The following PCDH15 variants were observed in gnomAD, a reference collection of about 807,000 sequenced individuals.
The protein encoded by PCDH15 is protocadherin related 15, also known as protocadherin-15.
A neutral mutation model predicts 178.5 loss-of-function variants in PCDH15; 129 were observed. The observed-to-expected ratio is 0.72, with a 90% CI of 0.63 to 0.84. The LOEUF (loss-of-function observed/expected upper bound fraction) is 0.84, where lower values mean the gene tolerates loss of function less well. PCDH15 is among the 40% of genes least tolerant of loss of function. The pLI is 0.00. For missense variants in PCDH15, 2,230 were observed against 2,099.9 expected, an observed-to-expected ratio of 1.06 and a Z score of -1.21; for synonymous variants, 800 against 732.0, an observed-to-expected ratio of 1.09 and a Z score of -1.50.
At chr10:55,419,397 C>G (rs1012932834) in intron 2 of PCDH15, among the ~76,000 whole-genome samples, 4 of 151,694 alleles carry the variant, frequency 2.6e-5, no homozygotes, top group Non-Finnish European at 4.4e-5. Context: ...CCCATGAAAC[C>G]ATCTATTAAA....
At chr10:54,217,493 T>C (rs1468513010) in intron 9 of PCDH15, among the ~76,000 whole-genome samples, 2 of 152,316 alleles carry the variant, frequency 1.3e-5, no homozygotes, top group Non-Finnish European at 2.9e-5. Flanking sequence ...ATTCTGATTC[T>C]ATTCTTTTCA....
intron 2 of PCDH15, among the ~76,000 whole-genome samples, chr10:54,632,602 T>G (rs1037890463): frequency 6.6e-6 from 1 of 152,108 alleles, no homozygotes; most frequent in Non-Finnish European, 1.5e-5. Flanking sequence ...AAATTACCCC[T>G]GCTAAAATTT....
At chr10:55,025,310 G>A (rs1840448658) in intron 2 of PCDH15, among the ~76,000 whole-genome samples, 1 of 152,084 alleles carries the variant, frequency 6.6e-6, no homozygotes, top group South Asian at 2.1e-4. Context: ...ATTTCAGATG[G>A]TTTTATGTTC....
intron 18 of PCDH15, among the ~76,000 whole-genome samples, chr10:54,029,105 T>C (rs1407107375): frequency 1.3e-5 from 2 of 152,252 alleles, no homozygotes; most frequent in East Asian, 3.9e-4. Flanking sequence ...AATAAGGTGA[T>C]GTAAGTTAAG....
chr10:54,306,720 G>T (rs2060493466), intron 8 of PCDH15, among the ~76,000 whole-genome samples: 1 of 151,436 alleles, frequency 6.6e-6, no homozygotes, highest in African/African-American at 2.4e-5. Context: ...ATTCCCTCTG[G>T]TCAAAGGGCA....
chr10:54,884,986 G>C (rs1954329458), intron 3 of PCDH15, among the ~76,000 whole-genome samples: 1 of 151,900 alleles, frequency 6.6e-6, no homozygotes. Context: ...TGCCCTAATA[G>C]TTTTAATAAT....
chr10:54,845,882 C>G (rs948257066), intron 3 of PCDH15, among the ~76,000 whole-genome samples: 3 of 152,018 alleles, frequency 2.0e-5, no homozygotes, highest in Non-Finnish European at 2.9e-5. Context: ...ACTAGATTGT[C>G]ACCACATCCA....
At chr10:54,501,418 G>A (rs1169541824) in intron 3 of PCDH15, among the ~76,000 whole-genome samples, 1 of 151,860 alleles carries the variant, frequency 6.6e-6, no homozygotes, top group Non-Finnish European at 1.5e-5. Context: ...GCAAAACAAG[G>A]GTGTTTTGTT....
chr10:54,434,778 T>G (rs2075271858), intron 3 of PCDH15, among the ~76,000 whole-genome samples: 1 of 152,204 alleles, frequency 6.6e-6, no homozygotes, highest in East Asian at 1.9e-4. Flanking sequence ...GATGAATTAG[T>G]AAAAAGAATC....
At chr10:55,572,213 G>A (rs1842418880) in intron 2 of PCDH15, among the ~76,000 whole-genome samples, 1 of 151,596 alleles carries the variant, frequency 6.6e-6, no homozygotes, top group Non-Finnish European at 1.5e-5. Flanking sequence ...TTGGATACAG[G>A]TACCCCAGAA....
intron 2 of PCDH15, among the ~76,000 whole-genome samples, chr10:54,949,848 C>T (rs1053716013): frequency 1.3e-5 from 2 of 152,058 alleles, no homozygotes; most frequent in South Asian, 4.1e-4. Flanking sequence ...CCCCTTTATT[C>T]CAGTTCCCAA....
chr10:54,693,451 AT>A (rs2135830370), intron 1 of PCDH15, among the ~76,000 whole-genome samples: 1 of 152,190 alleles, frequency 6.6e-6, no homozygotes, highest in East Asian at 1.9e-4. Context: ...AATTGACAAC[AT>A]TTTCTGAGAT....
intron 2 of PCDH15, among the ~76,000 whole-genome samples, chr10:54,546,638 T>A (rs796921255): frequency 2.6e-5 from 4 of 152,310 alleles, no homozygotes; most frequent in African/African-American, 7.2e-5. Flanking sequence ...CTAAATAGAA[T>A]AATAACCTTA....
At chr10:55,373,046 C>G (rs1845544467) in intron 2 of PCDH15, among the ~76,000 whole-genome samples, 1 of 151,574 alleles carries the variant, frequency 6.6e-6, no homozygotes, top group African/African-American at 2.4e-5. Context: ...AAATGACTGA[C>G]CTGAAAGAAT....
chr10:55,241,011 T>A (rs1841527446), intron 1 of PCDH15, among the ~76,000 whole-genome samples: 1 of 152,150 alleles, frequency 6.6e-6, no homozygotes, highest in South Asian at 2.1e-4. Context: ...GGTCAGGAGA[T>A]CGAGACCATC....
intron 2 of PCDH15, among the ~76,000 whole-genome samples, chr10:54,927,299 G>A (rs979961215): frequency 6.6e-6 from 1 of 152,044 alleles, no homozygotes; most frequent in African/African-American, 2.4e-5. Flanking sequence ...GTGCAAGATA[G>A]TGGTTGTTAT....
chr10:55,052,841 T>G (rs1163700281), intron 2 of PCDH15, among the ~76,000 whole-genome samples: 1 of 152,176 alleles, frequency 6.6e-6, no homozygotes, highest in East Asian at 1.9e-4. Flanking sequence ...TTAATAAATC[T>G]GTCGTCAAAA....
intron 3 of PCDH15, among the ~76,000 whole-genome samples, chr10:54,419,243 T>TACACACGCAC (rs1554962309): frequency 2.7e-5 from 4 of 150,542 alleles, no homozygotes; most frequent in Admixed American, 6.6e-5. Context: ...CATATATACA[T>TACACACGCAC]ACACACACAC....
chr10:55,163,847 AAC>A (rs1259182927), intron 2 of PCDH15, among the ~76,000 whole-genome samples: 8 of 152,172 alleles, frequency 5.3e-5, no homozygotes, highest in African/African-American at 1.7e-4. Context: ...CCTTTCCTGG[AAC>A]ACTCATGAGT....
Sources: gnomAD v4.1 joint callset for allele counts (sites outside exome capture counted in the v4.1 genomes callset) on GRCh38, gnomAD v4.1.1 for gene constraint, MANE v1.5 for transcripts, NCBI Gene and HGNC (gene_info 2026-07-23, HGNC 2026-07-21) for gene names.